The following EPS8L3 variants were observed in gnomAD, a reference collection of about 807,000 sequenced individuals.
The protein encoded by EPS8L3 is epidermal growth factor receptor kinase substrate 8-like protein 3.
EPS8L3 carries 80 observed loss-of-function variants against 88.5 expected under a neutral mutation model. The observed-to-expected ratio is 0.90, with a 90% CI of 0.75 to 1.09. The LOEUF (loss-of-function observed/expected upper bound fraction) is 1.09. Ranked by LOEUF, EPS8L3 falls within the 50% of genes least tolerant of loss-of-function variation. EPS8L3 has a pLI of 0.00. For missense variants in EPS8L3, 721 were observed against 735.2 expected (o/e 0.98, Z 0.22); for synonymous variants, 286 against 291.0 (o/e 0.98, Z 0.18).
At chr1:109,751,378 G>C in intron 16 of EPS8L3, 27 bp from the exon 17 acceptor site, 1 of 1,608,986 alleles carries the variant, frequency 6.2e-7, no homozygotes, top group Non-Finnish European at 8.5e-7. Context: ...CCAGGGATCA[G>C]AGTCCATCTC....
At chr1:109,757,768 G>A (rs1182071408) in intron 10 of EPS8L3, 34 bp downstream of exon 10, 4 of 1,598,444 alleles carry the variant, frequency 2.5e-6, no homozygotes, top group Non-Finnish European at 3.4e-6. Flanking sequence ...AGGGGAAGAG[G>A]AGAGGCCTGG....
In EPS8L3 at chr1:109,751,278, G is replaced by T. The variant is rs369110301; in HGVS notation, c.1637C>A (p.Ala546Asp). The change falls in exon 17 of 19, where the codon GCC becomes GAC. Residue 546 changes from alanine to aspartate, a missense_variant and splice_region_variant. Ala to Asp is a moderately radical substitution (Grantham distance 126). Coordinates refer to ENST00000361965, the MANE Select transcript of EPS8L3 (RefSeq NM_133181.4). ...DWLQAENFST[A>D]TVRTLGSLTG... Reference sequence around the variant, plus strand: ...ATATCCTGTAGGGCCAGGCACTCACGCAGTGGAGAAGTTCTCTGCCTGCAG... The same window carrying T: ...ATATCCTGTAGGGCCAGGCACTCACTCAGTGGAGAAGTTCTCTGCCTGCAG... 4 of 1,613,394 alleles carry T rather than the reference G, an allele frequency of 2.5e-6. No homozygotes were observed. In the Admixed American group the frequency reaches 6.7e-5, roughly 27 times the overall value.
In EPS8L3 at chr1:109,762,971, G is replaced by A. The variant is rs1651156893; in HGVS notation, c.-25+851C>T. On this transcript the variant is annotated intron_variant, in intron 1 of 18. Coordinates refer to ENST00000361965, the MANE Select transcript of EPS8L3 (RefSeq NM_133181.4). ...GGTGGGGGTGGTGTTAGTCTGTGCG[G>A]GTCAAGGGTATGTGTTATCCAAATG... Among the ~76,000 whole-genome samples the A allele has an allele frequency of 2.0e-5, 3 of 152,210 alleles. No individual in the cohort carries two copies. The South Asian group carries it at 6.2e-4, about 32-fold the overall frequency.
At position 109,758,603 on chromosome 1, in the gene EPS8L3, C is replaced by G. The variant is rs200087276; in HGVS notation, c.522G>C (p.Arg174Ser). ...AGCGTGCCTGCTCCATAGGGAGCGG[C>G]CTTTCCATAGCAGGCCCCCTCCATC... ...QDRWRGPAME[R>S]PLPMEQARYL... Residue 174 changes from arginine (R) to serine (S), a missense_variant, in exon 7 of 19, where the codon AGG becomes AGC. By Grantham distance (110) the Arg-to-Ser change is moderately radical. Transcript: ENST00000361965. 1 of 1,613,078 alleles carries G rather than the reference C, an allele frequency of 6.2e-7. No individual in the cohort carries two copies. The highest frequency in any genetic ancestry group is 8.5e-7 in the Non-Finnish European group (1 of 1,179,434).
chr1:109,761,987 G>A (rs1294511566), intron 1 of EPS8L3, among the ~76,000 whole-genome samples: 1 of 152,146 alleles, frequency 6.6e-6, no homozygotes, highest in Non-Finnish European at 1.5e-5. Flanking sequence ...CCCGGGCTGA[G>A]GGAAGGGAGG....
Position 109,759,333 on chromosome 1 carries a change from T to C in EPS8L3, c.310A>G (p.Asn104Asp), listed in dbSNP as rs1175095956. 6.2e-7 allele frequency: 1 copy of C among 1,614,152 alleles called. No homozygotes were observed. Among genetic ancestry groups the C allele is most frequent in the East Asian group, 2.2e-5 (1 of 44,884 alleles). ...DSIQAMNVAL[N>D]TCSYNSILSI... Reference sequence around the variant, plus strand: ...AGGATGGAGTTGTAGGAACATGTGTTGAGCGCCACATTCATGGCCTGGATG... The same window carrying C: ...AGGATGGAGTTGTAGGAACATGTGTCGAGCGCCACATTCATGGCCTGGATG... Residue 104 changes from asparagine (N) to aspartate (D), a missense_variant, in exon 5 of 19, where the codon AAC (asparagine) becomes GAC (aspartate). Coordinates refer to ENST00000361965, the MANE Select transcript of EPS8L3 (RefSeq NM_133181.4). The surrounding 1 kb of genome is among the most constrained non-coding windows in gnomAD (Gnocchi z 4.2).
chr1:109,756,502 G>A (rs1290652228), intron 12 of EPS8L3, among the ~76,000 whole-genome samples: 1 of 152,174 alleles, frequency 6.6e-6, no homozygotes, highest in African/African-American at 2.4e-5. Flanking sequence ...CTCCCAGAGT[G>A]CTGGGATTAC....
intron 12 of EPS8L3, among the ~76,000 whole-genome samples, chr1:109,756,603 T>C (rs1650307138): frequency 1.3e-5 from 2 of 152,188 alleles, no homozygotes; most frequent in South Asian, 4.1e-4. Context: ...CTGTCTCTCT[T>C]AACCTCAGGC....
intron 12 of EPS8L3, among the ~76,000 whole-genome samples, chr1:109,754,852 T>C (rs1015481383): frequency 1.3e-5 from 2 of 152,228 alleles, no homozygotes; most frequent in Admixed American, 1.3e-4. Context: ...GAGACTGGCT[T>C]ATTCAGGTAC....
Position 109,763,870 on chromosome 1 carries a change from T to G in EPS8L3, c.-73A>C, listed in dbSNP as rs181676206. ...GCCTGGTCCCCCCAGGAGGCTGGTCTTGGAGCAGGTGGTCCGGTGCTGGTG... is the reference window on the plus strand; with the variant it reads ...GCCTGGTCCCCCCAGGAGGCTGGTCGTGGAGCAGGTGGTCCGGTGCTGGTG... On this transcript the variant is annotated 5_prime_UTR_variant, in exon 1 of 19. Transcript: ENST00000361965. The G allele has an allele frequency of 1.3e-5, 2 of 153,252 alleles. No homozygotes were observed. Among genetic ancestry groups the G allele is most frequent in the East Asian group, 3.9e-4 (2 of 5,190 alleles). The allele number at this position is 153,252 out of a possible 1,614,324, so 9.5% of individuals were successfully genotyped here.
rs1649855632 is a variant in EPS8L3 at position 109,752,118 on chromosome 1, C to T, written c.1311G>A (p.Gly437=). The T allele has an allele frequency of 1.2e-6, 2 of 1,614,028 alleles. No homozygotes were observed. The highest frequency in any genetic ancestry group is 1.7e-6 in the Non-Finnish European group (2 of 1,179,980). Residue 437 remains glycine, a synonymous_variant, in exon 15 of 19, where the codon GGG becomes GGA. Coordinates refer to ENST00000361965, the MANE Select transcript of EPS8L3 (RefSeq NM_133181.4). ...GGCTGGAGGGCCTGGAGTTGGGGTC[C>T]CCAGGCTGAGGGTCATGGTTGTGTG... is the stretch of plus-strand genomic sequence containing the variant. ...EKTHNHDPQP[G]DPNSRPSSPK...
intron 11 of EPS8L3, 51 bp from the exon 12 acceptor site, chr1:109,757,216 G>A: frequency 6.5e-7 from 1 of 1,530,748 alleles, no homozygotes; most frequent in Non-Finnish European, 8.8e-7. Context: ...ACAGGGCCCA[G>A]TGAGGGTGGG....
intron 10 of EPS8L3, 42 bp downstream of exon 10, chr1:109,757,760 G>A (rs755824868): frequency 4.4e-6 from 7 of 1,585,856 alleles, no homozygotes; most frequent in Non-Finnish European, 3.5e-6. Flanking sequence ...GGGGAGGAAG[G>A]GGAAGAGGAG....
chr1:109,758,807 AC>A (rs3831143), intron 6 of EPS8L3, 144 bp from the exon 7 acceptor site: 246,704 of 1,090,472 alleles, frequency 0.23, 35,569 homozygotes, highest in African/African-American at 0.64. Context: ...TTCTGGACCC[AC>A]CCCTGACTCC....
At chr1:109,753,027 C>T in intron 13 of EPS8L3, 90 bp downstream of exon 13, 1 of 1,190,784 alleles carries the variant, frequency 8.4e-7, no homozygotes, top group Non-Finnish European at 1.2e-6. Context: ...TTAGGTCACA[C>T]TAGTTGTGTG....
chr1:109,761,674 G>A (rs1347581062), intron 2 of EPS8L3, 45 bp downstream of exon 2: 3 of 1,612,754 alleles, frequency 1.9e-6, no homozygotes, highest in Non-Finnish European at 2.5e-6. Flanking sequence ...GACATTCTGG[G>A]GGCTCAGTGG....
chr1:109,751,224 G>T, intron 17 of EPS8L3, 54 bp downstream of exon 17: 1 of 1,521,624 alleles, frequency 6.6e-7, no homozygotes, highest in Non-Finnish European at 9.1e-7. Context: ...GGGTTTCCTT[G>T]GTTAGCCCTT....
At chr1:109,752,753 C>G in intron 13 of EPS8L3, 33 bp from the exon 14 acceptor site, 1 of 1,545,682 alleles carries the variant, frequency 6.5e-7, no homozygotes, top group Non-Finnish European at 8.8e-7. Context: ...TGAGTAAGAG[C>G]AGGAGGCAGC....
Position 109,752,115 on chromosome 1 carries a change from G to A in EPS8L3, c.1314C>T (p.Asp438=). 1 of 1,614,136 alleles carries A rather than the reference G, an allele frequency of 6.2e-7. No individual in the cohort carries two copies. The highest frequency in any genetic ancestry group is 8.5e-7 in the Non-Finnish European group (1 of 1,180,014). Residue 438 remains aspartate (D), a synonymous_variant, in exon 15 of 19, where the codon GAC becomes GAT. Coordinates refer to ENST00000361965, the MANE Select transcript of EPS8L3 (RefSeq NM_133181.4). Reference sequence around the variant, plus strand: ...TGGGGCTGGAGGGCCTGGAGTTGGGGTCCCCAGGCTGAGGGTCATGGTTGT... The same window carrying A: ...TGGGGCTGGAGGGCCTGGAGTTGGGATCCCCAGGCTGAGGGTCATGGTTGT... ...KTHNHDPQPG[D]PNSRPSSPKP... is the part of the protein sequence containing the mutation.
Sources: gnomAD v4.1 joint callset for allele counts (sites outside exome capture counted in the v4.1 genomes callset) on GRCh38, gnomAD v4.1.1 for gene constraint, Gnocchi (gnomAD v3.1) non-coding constraint, MANE v1.5 for transcripts, NCBI Gene and HGNC (gene_info 2026-07-23, HGNC 2026-07-21) for gene names.